The following KIRREL3 variants were observed in gnomAD, a reference collection of about 807,000 sequenced individuals.
The protein encoded by KIRREL3 is kin of IRRE-like protein 3.
Under a neutral mutation model 89.7 loss-of-function variants are expected in KIRREL3, and 36 were observed. The ratio of observed to expected loss-of-function variants is 0.40; its 90% CI spans 0.31 to 0.53. KIRREL3 has a LOEUF of 0.53. Among genes scored for constraint, KIRREL3 ranks in the 20% least tolerant of loss-of-function variants. KIRREL3 has a pLI of 0.49. For missense variants in KIRREL3, 864 were observed against 1,056.6 expected (o/e 0.82, Z 2.53); for synonymous variants, 445 against 441.4 (o/e 1.01, Z -0.10).
intron 1 of KIRREL3, among the ~76,000 whole-genome samples, chr11:126,618,376 C>T (rs189960478): frequency 4.8e-4 from 73 of 152,308 alleles, no homozygotes; most frequent in Admixed American, 3.2e-3. Flanking sequence ...GCCTATGGAA[C>T]CAGGAGCCAA....
intron 1 of KIRREL3, among the ~76,000 whole-genome samples, chr11:126,731,120 T>A (rs1281635074): frequency 6.6e-6 from 1 of 152,234 alleles, no homozygotes; most frequent in Non-Finnish European, 1.5e-5. Flanking sequence ...CCTGCGAGAA[T>A]GCTTAGCTTA....
intron 1 of KIRREL3, among the ~76,000 whole-genome samples, chr11:126,852,902 C>T (rs1290433675): frequency 1.3e-5 from 2 of 152,146 alleles, no homozygotes; most frequent in East Asian, 1.9e-4. Context: ...GGAACCAAGA[C>T]GCCCTCAGGG....
chr11:126,496,715 C>T lies in KIRREL3; in HGVS notation c.434-23249G>A, dbSNP rs115976659. 2.0e-3 allele frequency among the ~76,000 whole-genome samples: 308 copies of T among 152,056 alleles called. 1 individual carries two copies. Among genetic ancestry groups the T allele is most frequent in the African/African-American group, 6.7e-3 (279 of 41,464 alleles). ...GTATCTGCCAAAACCCAAACAGAAG[C>T]GCTCAGAAATGTTGGAGGGCCTGCG... On this transcript the variant is annotated intron_variant, in intron 4 of 16. Transcript: ENST00000525144. The surrounding 1 kb of genome is among the most constrained non-coding windows in gnomAD (Gnocchi z 4.9).
rs567750430 is a variant in KIRREL3 at position 126,845,947 on chromosome 11, A to AC, written c.55+154507_55+154508insG. ...CCACAGACCTTGTTTGGGGGGAAAA[A>AC]ACACACAAAAAAAACACAAAAAACC... is the stretch of plus-strand genomic sequence containing the variant. On this transcript the variant is annotated intron_variant, in intron 1 of 16. Transcript: ENST00000525144. Among the ~76,000 whole-genome samples, 30 of 152,310 alleles carry AC rather than the reference A, an allele frequency of 2.0e-4. 1 individual carries two copies. The South Asian group carries it at 5.8e-3, about 29-fold the overall frequency.
chr11:126,565,529 C>A lies in KIRREL3; in HGVS notation c.56-2617G>T, dbSNP rs1940453033. 6.6e-6 allele frequency among the ~76,000 whole-genome samples: 1 copy of A among 152,164 alleles called. No homozygotes were observed. The highest frequency in any genetic ancestry group is 2.1e-4 in the South Asian group (1 of 4,830). ...GGCTACGTTACAAGGCGCTAATAAG[C>A]ACACTGCAGAAATTTATTAAGTGCG... is the stretch of plus-strand genomic sequence containing the variant. On this transcript the variant is annotated intron_variant, in intron 1 of 16. Coordinates refer to ENST00000525144, the MANE Select transcript of KIRREL3 (RefSeq NM_032531.4). The surrounding 1 kb of genome is among the most constrained non-coding windows in gnomAD (Gnocchi z 5.4).
intron 1 of KIRREL3, among the ~76,000 whole-genome samples, chr11:126,717,563 A>G (rs1403953025): frequency 2.0e-5 from 3 of 152,154 alleles, no homozygotes; most frequent in Non-Finnish European, 4.4e-5. Flanking sequence ...AATGGCTGTC[A>G]CCACACACCT....
In KIRREL3 at chr11:126,610,077, CCAAAAT is replaced by C. The variant is rs1943060043; in HGVS notation, c.56-47171_56-47166del. ...TTACAAAGTTAGGCCTGACCTGACT[CCAAAAT>C]CTGTGCTGTTAACTTTTTTTTTTTT... is the stretch of plus-strand genomic sequence containing the variant. On this transcript the variant is annotated intron_variant, in intron 1 of 16. Coordinates refer to ENST00000525144, the MANE Select transcript of KIRREL3 (RefSeq NM_032531.4). The surrounding 1 kb of genome is among the most constrained non-coding windows in gnomAD (Gnocchi z 4.6). 6.6e-6 allele frequency among the ~76,000 whole-genome samples: 1 copy of C among 152,118 alleles called. No homozygotes were observed. The highest frequency in any genetic ancestry group is 2.4e-5 in the African/African-American group (1 of 41,408).
At chr11:126,741,321 T>C (rs1948976002) in intron 1 of KIRREL3, among the ~76,000 whole-genome samples, 1 of 152,218 alleles carries the variant, frequency 6.6e-6, no homozygotes, top group African/African-American at 2.4e-5. Flanking sequence ...ATACAGTCTT[T>C]ATGGTCTTTC....
chr11:126,475,920 A>G lies in KIRREL3; in HGVS notation c.434-2454T>C, dbSNP rs1327464460. On this transcript the variant is annotated intron_variant, in intron 4 of 16. Transcript: ENST00000525144. This position sits in a 1 kb window ranked among gnomAD's most constrained non-coding sequence, Gnocchi z 7.5. ...CTTCAAGGCAGCCTCCCCGACCAGG[A>G]TGGAGGAGCTCGGGCTCCATGAGCT... Among the ~76,000 whole-genome samples, 1 of 152,140 alleles carries G rather than the reference A, an allele frequency of 6.6e-6. No individual in the cohort carries two copies. The highest frequency in any genetic ancestry group is 1.5e-5 in the Non-Finnish European group (1 of 68,012).
intron 2 of KIRREL3, among the ~76,000 whole-genome samples, chr11:126,547,954 C>G (rs1424098990): frequency 3.9e-5 from 6 of 152,152 alleles, no homozygotes; most frequent in Admixed American, 1.3e-4. Context: ...CTGTCTGAGC[C>G]TCTGTTTCTT....
intron 1 of KIRREL3, among the ~76,000 whole-genome samples, chr11:126,880,967 C>T (rs187214182): frequency 8.1e-4 from 123 of 152,248 alleles, no homozygotes; most frequent in African/African-American, 2.6e-3. Flanking sequence ...AATGCTGTAC[C>T]GTGTGTTTAT....
chr11:126,448,279 C>CAAAAAAAAAAAAAAAAAA (rs55787866), intron 8 of KIRREL3, among the ~76,000 whole-genome samples: 1 of 95,382 alleles, frequency 1.0e-5, no homozygotes, highest in African/African-American at 4.1e-5. Context: ...GAGACTGTCT[C>CAAAAAAAAAAAAAAAAAA]AAAAAAAAAA....
In KIRREL3 at chr11:126,574,008, ATTC is replaced by A. The variant is rs1941117220; in HGVS notation, c.56-11099_56-11097del. ...GAGATACTTTATGGAAAGTCCACAC[ATTC>A]CAGAAAGCTCCATGGAAGCCCCTTA... On this transcript the variant is annotated intron_variant, in intron 1 of 16. Transcript: ENST00000525144. The surrounding 1 kb of genome is among the most constrained non-coding windows in gnomAD (Gnocchi z 5.3). Among the ~76,000 whole-genome samples, 1 of 152,180 alleles carries A rather than the reference ATTC, an allele frequency of 6.6e-6. No individual in the cohort carries two copies. Among genetic ancestry groups the A allele is most frequent in the African/African-American group, 2.4e-5 (1 of 41,432 alleles).
Position 126,491,329 on chromosome 11 carries a change from G to A in KIRREL3, c.434-17863C>T, listed in dbSNP as rs1174448505. Among the ~76,000 whole-genome samples, 1 of 152,238 alleles carries A rather than the reference G, an allele frequency of 6.6e-6. No homozygotes were observed. Among genetic ancestry groups the A allele is most frequent in the Non-Finnish European group, 1.5e-5 (1 of 68,044 alleles). On this transcript the variant is annotated intron_variant, in intron 4 of 16. Transcript: ENST00000525144. This position sits in a 1 kb window ranked among gnomAD's most constrained non-coding sequence, Gnocchi z 5.5. ...GCCCAAGGAGGGCGGGCGCGTGCTG[G>A]CTCTGAGCGGGTGCTTTATTGTGTG... is the stretch of plus-strand genomic sequence containing the variant.
At chr11:126,435,888 A>C (rs1445128554) in intron 12 of KIRREL3, among the ~76,000 whole-genome samples, 1 of 151,938 alleles carries the variant, frequency 6.6e-6, no homozygotes, top group African/African-American at 2.4e-5. Context: ...CCTGGGCCTC[A>C]GAGGCCCAGG....
chr11:126,820,310 T>TA (rs1306183179), intron 1 of KIRREL3, among the ~76,000 whole-genome samples: 3 of 38,500 alleles, frequency 7.8e-5, no homozygotes. Flanking sequence ...GTAGCAAGCC[T>TA]TTAAAAAAAA....
chr11:126,456,554 G>A (rs1202789517), intron 6 of KIRREL3, 100 bp from the exon 7 acceptor site: 28 of 785,218 alleles, frequency 3.6e-5, no homozygotes, highest in Admixed American at 4.9e-5. Context: ...ACCACCCAGG[G>A]ACCCTCAGAG....
Position 126,635,951 on chromosome 11 carries a change from C to G in KIRREL3, c.56-73039G>C, listed in dbSNP as rs1289647693. ...ATTTTTGGGTCATGGGCAGGGCCAGCAGGCCTACAGGTAGCGGGAGGGATC... is the reference window on the plus strand; with the variant it reads ...ATTTTTGGGTCATGGGCAGGGCCAGGAGGCCTACAGGTAGCGGGAGGGATC... On this transcript the variant is annotated intron_variant, in intron 1 of 16. Transcript: ENST00000525144. This position sits in a 1 kb window ranked among gnomAD's most constrained non-coding sequence, Gnocchi z 4.0. Among the ~76,000 whole-genome samples, 4 of 152,158 alleles carry G rather than the reference C, an allele frequency of 2.6e-5. No homozygotes were observed. Among genetic ancestry groups the G allele is most frequent in the African/African-American group, 9.7e-5 (4 of 41,436 alleles).
intron 1 of KIRREL3, among the ~76,000 whole-genome samples, chr11:126,591,569 G>A (rs1375964551): frequency 6.6e-6 from 1 of 152,206 alleles, no homozygotes. Flanking sequence ...TACCAGCCAT[G>A]CTCTGCCTTG....
Sources: allele counts gnomAD v4.1 joint callset (sites outside exome capture counted in the v4.1 genomes callset), GRCh38; gene constraint gnomAD v4.1.1; non-coding constraint Gnocchi (gnomAD v3.1); transcripts MANE v1.5; gene names NCBI Gene and HGNC (gene_info 2026-07-23, HGNC 2026-07-21).